TPM4: variants seen among roughly 807,000 people sequenced by gnomAD.
TPM4 encodes the protein tropomyosin alpha-4 chain.
A neutral mutation model predicts 35.8 loss-of-function variants in TPM4; 17 were observed. The observed-to-expected ratio is 0.47, with a 90% CI of 0.32 to 0.71. The LOEUF (loss-of-function observed/expected upper bound fraction) is 0.71. Among genes scored for constraint, TPM4 ranks in the 30% least tolerant of loss-of-function variants. The probability of loss-of-function intolerance (pLI) is 0.03; values close to 1 mark genes in which losing one functional copy is unlikely to be tolerated. For synonymous variants in TPM4, 120 were observed against 122.9 expected (o/e 0.98, Z 0.15); for missense variants, 240 against 320.9 (o/e 0.75, Z 1.93).
intron 7 of TPM4, among the ~76,000 whole-genome samples, chr19:16,094,499 G>A (rs1045597270): frequency 6.6e-6 from 1 of 151,340 alleles, no homozygotes; most frequent in African/African-American, 2.4e-5. Context: ...TCACGCCACA[G>A]CTCTCCAGCC....
intron 5 of TPM4, among the ~76,000 whole-genome samples, chr19:16,089,407 A>C (rs1245791892): frequency 6.6e-6 from 1 of 152,210 alleles, no homozygotes; most frequent in Non-Finnish European, 1.5e-5. Context: ...TGTATAAATA[A>C]ATACAGAGCC....
At chr19:16,094,063 C>G (rs2090664332) in intron 7 of TPM4, among the ~76,000 whole-genome samples, 6 of 147,024 alleles carry the variant, frequency 4.1e-5, no homozygotes. Context: ...CTCCCGGGTT[C>G]AAGTGATTCT....
At position 16,094,990 on chromosome 19, in the gene TPM4, G is replaced by C. The variant is rs560899864; in HGVS notation, c.664+1237G>C. 2.6e-5 allele frequency among the ~76,000 whole-genome samples: 4 copies of C among 152,252 alleles called. No homozygotes were observed. In the East Asian group the frequency reaches 5.8e-4, roughly 22 times the overall value. ...AATAAACTGAGGGGTGGGGACCAGT[G>C]GGGGGAAGCTCTGTCACTTCTGGTT... On this transcript the variant is annotated intron_variant, in intron 7 of 7. Coordinates refer to ENST00000643579, the MANE Select transcript of TPM4 (RefSeq NM_003290.3).
At chr19:16,082,165 A>T (rs1568303929) in intron 2 of TPM4, 119 bp downstream of exon 2, 2 of 1,348,584 alleles carry the variant, frequency 1.5e-6, no homozygotes, top group Non-Finnish European at 2.0e-6. Flanking sequence ...GCATGTGTCC[A>T]CAAAAAAGTG....
intron 4 of TPM4, chr19:16,088,671 C>T (rs1207709111): frequency 1.9e-6 from 2 of 1,049,170 alleles, no homozygotes; most frequent in Non-Finnish European, 2.3e-6. Context: ...CGGAGTGTCC[C>T]CTGCAAACTC....
At chr19:16,091,115 C>T (rs1164886438) in intron 5 of TPM4, among the ~76,000 whole-genome samples, 4 of 152,074 alleles carry the variant, frequency 2.6e-5, no homozygotes, top group Admixed American at 6.5e-5. Flanking sequence ...TGCAGAGGCA[C>T]GATCTCAGCT....
intron 1 of TPM4, chr19:16,079,629 C>A: frequency 4.5e-6 from 1 of 219,856 alleles, no homozygotes; most frequent in African/African-American, 2.2e-5. Flanking sequence ...TGTAGTTTTT[C>A]GGCCACGTTA....
upstream of TPM4, among the ~76,000 whole-genome samples, chr19:16,071,643 G>A (rs2144909450): frequency 6.6e-6 from 1 of 152,340 alleles, no homozygotes; most frequent in East Asian, 1.9e-4. Context: ...CGCCCCACAG[G>A]AGCTAACGGC....
At chr19:16,099,465 T>A (rs558402753) in intron 7 of TPM4, among the ~76,000 whole-genome samples, 46 of 152,054 alleles carry the variant, frequency 3.0e-4, no homozygotes, top group South Asian at 2.1e-3. Flanking sequence ...GCACTTGTAG[T>A]CCCAGCTACT....
chr19:16,087,275 C>A (rs1185633876), intron 3 of TPM4, among the ~76,000 whole-genome samples: 1 of 152,100 alleles, frequency 6.6e-6, no homozygotes, highest in African/African-American at 2.4e-5. Context: ...GAGCAAGACC[C>A]TCTGTCAAAA....
At chr19:16,094,607 A>G (rs1315171157) in intron 7 of TPM4, among the ~76,000 whole-genome samples, 1 of 150,856 alleles carries the variant, frequency 6.6e-6, no homozygotes, top group African/African-American at 2.4e-5. Flanking sequence ...TTTTTTTTAC[A>G]TGCCTTGCAT....
At chr19:16,088,991 T>C (rs1000656677) in intron 4 of TPM4, 54 bp from the exon 5 acceptor site, 20 of 1,611,150 alleles carry the variant, frequency 1.2e-5, no homozygotes, top group Non-Finnish European at 1.6e-5. Context: ...GCGATTGCTA[T>C]TATTGCCGGC....
At chr19:16,075,675 G>A (rs566961544), upstream of TPM4, 30 of 184,874 alleles carry the variant, frequency 1.6e-4, no homozygotes, top group Middle Eastern at 2.5e-3. Context: ...AGGGATCCAC[G>A]CGCAGAGAAT....
intron 7 of TPM4, among the ~76,000 whole-genome samples, chr19:16,096,584 C>T (rs1300307919): frequency 6.6e-6 from 1 of 152,128 alleles, no homozygotes; most frequent in Non-Finnish European, 1.5e-5. Flanking sequence ...CTGTGTTACA[C>T]TGTGAGTGTG....
At chr19:16,097,296 CGGAGTTTCGCTCTTGTTGCCCACGCT>C (rs1555711529) in intron 7 of TPM4, among the ~76,000 whole-genome samples, 2 of 146,712 alleles carry the variant, frequency 1.4e-5, no homozygotes, top group Non-Finnish European at 3.0e-5. Context: ...CTTTTTGAGA[CGGAGTTTCGCTCTTGTTGCCCACGCT>C]GGAGTGCAGT....
At chr19:16,072,707 G>T (rs1026792617), upstream of TPM4, among the ~76,000 whole-genome samples, 1 of 152,172 alleles carries the variant, frequency 6.6e-6, no homozygotes, top group African/African-American at 2.4e-5. Context: ...CCTGAGGTCA[G>T]GAGTTCGAGA....
intron 1 of TPM4, chr19:16,076,996 G>T: frequency 2.6e-6 from 1 of 386,754 alleles, no homozygotes; most frequent in Non-Finnish European, 4.0e-6. Context: ...GGGTGGAGAA[G>T]TGGAGCGGCG....
chr19:16,073,086 G>A (rs61327944), upstream of TPM4, among the ~76,000 whole-genome samples: 1 of 151,726 alleles, frequency 6.6e-6, no homozygotes, highest in Admixed American at 6.6e-5. Flanking sequence ...GCTCATGCCT[G>A]TTGTCCCAGC....
intron 2 of TPM4, among the ~76,000 whole-genome samples, chr19:16,069,311 G>A (rs886997814): frequency 7.4e-6 from 1 of 135,656 alleles, no homozygotes; most frequent in Non-Finnish European, 1.7e-5. Context: ...ATGGATGAGT[G>A]TGTGTTTCTG....
Sources: allele counts gnomAD v4.1 joint callset (sites outside exome capture counted in the v4.1 genomes callset), GRCh38; gene constraint gnomAD v4.1.1; transcripts MANE v1.5; gene names NCBI Gene and HGNC (gene_info 2026-07-23, HGNC 2026-07-21).